NEDD9: variants seen among roughly 807,000 people sequenced by gnomAD.
The protein encoded by NEDD9 is neural precursor cell expressed, developmentally down-regulated 9, also known as enhancer of filamentation 1.
A neutral mutation model predicts 76.6 loss-of-function variants in NEDD9; 26 were observed. That is an observed-to-expected ratio of 0.34 (90% CI 0.25 to 0.47). The LOEUF (loss-of-function observed/expected upper bound fraction) is 0.47. Among genes scored for constraint, NEDD9 ranks in the 20% least tolerant of loss-of-function variants. NEDD9 has a pLI of 1.00. For synonymous variants in NEDD9, 392 were observed against 414.2 expected, an observed-to-expected ratio of 0.95 and a Z score of 0.65; for missense variants, 937 against 1,058.5, an observed-to-expected ratio of 0.89 and a Z score of 1.59.
chr6:11,232,833 G>A (rs549882605), upstream of NEDD9, among the ~76,000 whole-genome samples: 45 of 152,292 alleles, frequency 3.0e-4, no homozygotes, highest in Middle Eastern at 3.4e-3. Context: ...TTATCAGACG[G>A]TGGAAAATAA....
chr6:11,191,817 G>A (rs1758152020), intron 4 of NEDD9, among the ~76,000 whole-genome samples: 1 of 152,062 alleles, frequency 6.6e-6, no homozygotes, highest in Non-Finnish European at 1.5e-5. Flanking sequence ...AACAAGCCTG[G>A]GCAACATAGG....
rs1758107741 is a variant in NEDD9 at position 11,190,461 on chromosome 6, C to T, written c.1408G>A (p.Val470Ile). 1 of 1,614,080 alleles carries T rather than the reference C, an allele frequency of 6.2e-7. No individual in the cohort carries two copies. The highest frequency in any genetic ancestry group is 1.7e-5 in the Admixed American group (1 of 60,006). ...KEYLHFVKGA[V>I]ANAACLPELI... ...TCCGGGAGGCAGGCAGCATTTGCAA[C>T]AGCTCCCTTGACAAAGTGGAGGTAC... Residue 470 changes from valine (V) to isoleucine (I), a missense_variant, in exon 5 of 7, where the codon GTT (valine) becomes ATT (isoleucine). Transcript: ENST00000379446. The surrounding 1 kb of genome is among the most constrained non-coding windows in gnomAD (Gnocchi z 5.8).
intron 2 of NEDD9, among the ~76,000 whole-genome samples, chr6:11,314,523 G>T (rs1213311951): frequency 1.3e-5 from 2 of 152,192 alleles, no homozygotes; most frequent in South Asian, 2.1e-4. Flanking sequence ...AAATAAGCAT[G>T]ATTGAGCAAG....
chr6:11,240,002 C>T (rs1032212347), intron 3 of NEDD9, among the ~76,000 whole-genome samples: 1 of 149,230 alleles, frequency 6.7e-6, no homozygotes, highest in South Asian at 2.1e-4. Context: ...CAAGATCGAG[C>T]CACTGCACTC....
rs886837307 is a variant in NEDD9 at position 11,285,706 on chromosome 6, A to G, written c.12+20286T>C. Among the ~76,000 whole-genome samples, 9 of 152,342 alleles carry G rather than the reference A, an allele frequency of 5.9e-5. No homozygotes were observed. The South Asian group carries it at 1.9e-3, about 32-fold the overall frequency. On this transcript the variant is annotated intron_variant, in intron 3 of 3. Transcript: ENST00000397378. ...ATAAGTGGAATAGAAAGAGGCCTAC[A>G]CACCTATATGGACAACTGACTTTTG... is the stretch of plus-strand genomic sequence containing the variant.
rs369756155 is a variant in NEDD9, at chr6:11,190,160, G to A, written c.1709C>T (p.Pro570Leu). Residue 570 changes from proline (P) to leucine (L), a missense_variant, in exon 5 of 7, where the codon CCG becomes CTG. Transcript: ENST00000379446. This position sits in a 1 kb window ranked among gnomAD's most constrained non-coding sequence, Gnocchi z 5.8. The part of the protein sequence containing the change: ...GPGSLHLKNG[P>L]ESIMNSTEYP... ...CTCCGTTGAGTTCATGATGCTCTCC[G>A]GCCCATTCTTCAGATGCAAGCTGCC... 1.5e-4 allele frequency: 241 copies of A among 1,614,158 alleles called. No individual in the cohort carries two copies. The highest frequency in any genetic ancestry group is 7.6e-4 in the African/African-American group (57 of 75,030).
chr6:11,269,120 T>A (rs1760254931), intron 3 of NEDD9, among the ~76,000 whole-genome samples: 1 of 152,232 alleles, frequency 6.6e-6, no homozygotes, highest in African/African-American at 2.4e-5. Context: ...GGTTTTGGGC[T>A]GGAAGTGAGT....
Position 11,190,113 on chromosome 6 carries a change from C to T in NEDD9, c.1756G>A (p.Gly586Arg). ...TGGTCACCAGGATGCAGCAGCTGTC[C>T]CTGGGAGCCACCGTGTGGGTACTCC... ...STEYPHGGSQ[G>R]QLLHPGDHKA... The change falls in exon 5 of 7, where the codon GGA (glycine) becomes AGA (arginine). Residue 586 changes from glycine to arginine, a missense_variant. Gly to Arg is a moderately radical substitution (Grantham distance 125). Coordinates refer to ENST00000379446, the MANE Select transcript of NEDD9 (RefSeq NM_006403.4). This position sits in a 1 kb window ranked among gnomAD's most constrained non-coding sequence, Gnocchi z 5.8. 1 of 1,612,170 alleles carries T rather than the reference C, an allele frequency of 6.2e-7. No homozygotes were observed. The highest frequency in any genetic ancestry group is 2.2e-5 in the East Asian group (1 of 44,846).
intron 1 of NEDD9, among the ~76,000 whole-genome samples, chr6:11,220,005 A>G (rs1272988137): frequency 1.3e-5 from 2 of 152,174 alleles, no homozygotes. Context: ...AATACAGGAG[A>G]CAGAAGATAT....
chr6:11,345,959 T>C (rs1029309719), intron 1 of NEDD9, among the ~76,000 whole-genome samples: 2 of 152,222 alleles, frequency 1.3e-5, no homozygotes, highest in African/African-American at 4.8e-5. Flanking sequence ...GCGTAAAAGC[T>C]CTGATCTCAG....
intron 1 of NEDD9, among the ~76,000 whole-genome samples, chr6:11,338,380 T>C (rs1263675997): frequency 6.6e-6 from 1 of 152,178 alleles, no homozygotes; most frequent in African/African-American, 2.4e-5. Flanking sequence ...ACACCCTTGA[T>C]CTCAGCCTTT....
At position 11,192,339 on chromosome 6, in the gene NEDD9, A is replaced by G. The variant is rs1758167809; in HGVS notation, c.663+6T>C. 6.5e-7 allele frequency: 1 copy of G among 1,546,458 alleles called. No homozygotes were observed. On this transcript the variant is annotated splice_donor_region_variant and intron_variant, in intron 4 of 6. Transcript: ENST00000379446. ...CCTTTTTGCTGCTTTGTAGTCACTCACTCACCCCTTTTGTAGGCGGGATGT... is the reference window on the plus strand; with the variant it reads ...CCTTTTTGCTGCTTTGTAGTCACTCGCTCACCCCTTTTGTAGGCGGGATGT...
chr6:11,246,348 G>C (rs1353618168), intron 3 of NEDD9, among the ~76,000 whole-genome samples: 1 of 152,148 alleles, frequency 6.6e-6, no homozygotes, highest in African/African-American at 2.4e-5. Context: ...TCCCTGACAG[G>C]CTCAGTCCAC....
At chr6:11,349,053 A>T (rs538762646) in intron 1 of NEDD9, among the ~76,000 whole-genome samples, 2 of 152,244 alleles carry the variant, frequency 1.3e-5, no homozygotes, top group African/African-American at 4.8e-5. Context: ...TCCAGAACCC[A>T]TAAGAAACTT....
chr6:11,183,931 G>C lies in NEDD9; in HGVS notation c.*1231C>G, dbSNP rs900103133. 1 of 152,218 alleles carries C rather than the reference G, an allele frequency of 6.6e-6. No individual in the cohort carries two copies. Among genetic ancestry groups the C allele is most frequent in the Non-Finnish European group, 1.5e-5 (1 of 68,058 alleles). The allele number at this position is 152,218 out of a possible 1,614,324, so 9.4% of individuals were successfully genotyped here. A position where few individuals can be genotyped will look rare whatever the true frequency, so the allele number is the denominator to read the frequency against. On this transcript the variant is annotated 3_prime_UTR_variant, in exon 7 of 7. Transcript: ENST00000379446. ...CCTGATGGCTTGTGGTGTCTGTGCT[G>C]TGTCAATACTAACAGATGTGAGGAG...
chr6:11,308,427 T>C (rs555060354), intron 2 of NEDD9, among the ~76,000 whole-genome samples: 3 of 140,498 alleles, frequency 2.1e-5, no homozygotes, highest in African/African-American at 8.1e-5. Flanking sequence ...TGGAGTGCAG[T>C]GGCGCAATCT....
chr6:11,298,813 G>A (rs1415365291), intron 3 of NEDD9, among the ~76,000 whole-genome samples: 4 of 152,166 alleles, frequency 2.6e-5, no homozygotes, highest in Admixed American at 1.3e-4. Context: ...TAGTACTAGC[G>A]AGGATTGTTA....
At chr6:11,284,391 TAAAAA>T (rs1168452567) in intron 3 of NEDD9, among the ~76,000 whole-genome samples, 6,351 of 70,000 alleles carry the variant, frequency 0.091, 167 homozygotes, top group Middle Eastern at 0.21. Context: ...CCGTCTCTAC[TAAAAA>T]AAAAAAAAAA....
intron 2 of NEDD9, among the ~76,000 whole-genome samples, chr6:11,315,983 T>C (rs1047148470): frequency 6.6e-6 from 1 of 152,182 alleles, no homozygotes; most frequent in African/African-American, 2.4e-5. Context: ...TAAACCCTTT[T>C]GAGCTTAGGT....
Sources: gnomAD v4.1 joint callset for allele counts (sites outside exome capture counted in the v4.1 genomes callset) on GRCh38, gnomAD v4.1.1 for gene constraint, Gnocchi (gnomAD v3.1) non-coding constraint, MANE v1.5 for transcripts, NCBI Gene and HGNC (gene_info 2026-07-23, HGNC 2026-07-21) for gene names.